TRPM3: variants seen among roughly 807,000 people sequenced by gnomAD.
TRPM3 encodes the protein long transient receptor potential channel 3.
A neutral mutation model predicts 181.2 loss-of-function variants in TRPM3; 77 were observed. The observed-to-expected ratio is 0.42, with a 90% confidence interval of 0.35 to 0.51. TRPM3 has a LOEUF of 0.51. Among genes scored for constraint, TRPM3 ranks in the 20% least tolerant of loss-of-function variants. The pLI is 0.01. For synonymous variants in TRPM3, 745 were observed against 796.4 expected, an observed-to-expected ratio of 0.94 and a Z score of 1.09; for missense variants, 1,759 against 2,196.7, an observed-to-expected ratio of 0.80 and a Z score of 3.98.
chr9:70,571,513 T>C (rs919779482), intron 22 of TRPM3, among the ~76,000 whole-genome samples: 10 of 152,184 alleles, frequency 6.6e-5, no homozygotes, highest in African/African-American at 2.4e-4. Context: ...TTGTACCTCT[T>C]AGGCAACTTA....
At chr9:71,060,500 T>C (rs2061198033) in intron 1 of TRPM3, among the ~76,000 whole-genome samples, 1 of 152,130 alleles carries the variant, frequency 6.6e-6, no homozygotes, top group Non-Finnish European at 1.5e-5. Context: ...GTAGAAGCAC[T>C]ATGTTTCAAA....
intron 1 of TRPM3, among the ~76,000 whole-genome samples, chr9:70,882,253 A>G (rs2096007117): frequency 6.6e-6 from 1 of 152,174 alleles, no homozygotes; most frequent in Non-Finnish European, 1.5e-5. Context: ...ATTGCAAGAG[A>G]AAGAGTCTTT....
intron 1 of TRPM3, among the ~76,000 whole-genome samples, chr9:70,935,731 G>A (rs1359008103): frequency 6.6e-6 from 1 of 152,072 alleles, no homozygotes; most frequent in African/African-American, 2.4e-5. Flanking sequence ...TTGTTTTCTG[G>A]ATAAGGCTTA....
intron 9 of TRPM3, among the ~76,000 whole-genome samples, chr9:70,649,553 T>C (rs963982204): frequency 6.6e-6 from 1 of 152,088 alleles, no homozygotes; most frequent in African/African-American, 2.4e-5. Flanking sequence ...ATGCTCAGTA[T>C]CACTATCGTT....
intron 1 of TRPM3, among the ~76,000 whole-genome samples, chr9:71,294,637 A>T (rs1342166988): frequency 6.6e-6 from 1 of 152,154 alleles, no homozygotes; most frequent in Non-Finnish European, 1.5e-5. Context: ...TTCTAAGTGT[A>T]AACCCCAGAA....
intron 1 of TRPM3, among the ~76,000 whole-genome samples, chr9:71,235,796 TATTG>T (rs1334450788): frequency 6.6e-6 from 1 of 152,208 alleles, no homozygotes; most frequent in African/African-American, 2.4e-5. Context: ...AAATTCTCAA[TATTG>T]AAAATCTCCA....
intron 6 of TRPM3, among the ~76,000 whole-genome samples, chr9:70,815,632 C>T (rs569596117): frequency 2.6e-5 from 4 of 152,224 alleles, no homozygotes; most frequent in South Asian, 4.1e-4. Context: ...GATCTTCCTG[C>T]GGATAGATTT....
intron 22 of TRPM3, among the ~76,000 whole-genome samples, chr9:70,556,385 G>GAGGTAGT: frequency 6.6e-6 from 1 of 152,016 alleles, no homozygotes; most frequent in Non-Finnish European, 1.5e-5. Context: ...TGCTTTAACA[G>GAGGTAGT]AGGTAGTATT....
In TRPM3 at chr9:71,011,618, T is replaced by A. The variant is rs189560429; in HGVS notation, c.177+109560A>T. On this transcript the variant is annotated intron_variant, in intron 1 of 25. Coordinates refer to ENST00000677713, the MANE Select transcript of TRPM3 (RefSeq NM_001366145.2). ...ATATCTGCAAGTATTTTCTCCAAAT[T>A]TTAATTTGATTTTGAATTGTGTATC... Among the ~76,000 whole-genome samples, 356 of 152,080 alleles carry A rather than the reference T, an allele frequency of 2.3e-3. 4 individuals carry two copies. The highest frequency in any genetic ancestry group is 3.5e-3 in the Non-Finnish European group (240 of 67,978).
intron 1 of TRPM3, among the ~76,000 whole-genome samples, chr9:71,318,054 A>C (rs1565456655): frequency 2.0e-5 from 3 of 152,204 alleles, no homozygotes; most frequent in African/African-American, 7.2e-5. Context: ...GTTTGAGAGC[A>C]GCCTAGACAA....
chr9:70,755,383 T>C (rs1052302303), intron 8 of TRPM3, among the ~76,000 whole-genome samples: 2 of 151,998 alleles, frequency 1.3e-5, no homozygotes, highest in African/African-American at 4.8e-5. Context: ...TTTTTTTTTT[T>C]TTTGGAGATG....
chr9:70,595,808 T>A (rs374686148), intron 21 of TRPM3, among the ~76,000 whole-genome samples: 2 of 152,186 alleles, frequency 1.3e-5, no homozygotes, highest in African/African-American at 4.8e-5. Flanking sequence ...GAAGATGATA[T>A]AACAGGCAGT....
rs1461944660 is a variant in TRPM3 at position 70,845,789 on chromosome 9, A to G, written c.676+589T>C. 2.0e-5 allele frequency among the ~76,000 whole-genome samples: 3 copies of G among 152,250 alleles called. No homozygotes were observed. In the East Asian group the frequency reaches 5.8e-4, roughly 29 times the overall value. ...ATGTTCTGTAAATAAGCACTTAACT[A>G]TAGGTGGGCCAGTAAGAACTGATTT... On this transcript the variant is annotated intron_variant, in intron 4 of 25. Coordinates refer to ENST00000677713, the MANE Select transcript of TRPM3 (RefSeq NM_001366145.2).
At chr9:71,371,887 G>C (rs1292299222) in intron 1 of TRPM3, among the ~76,000 whole-genome samples, 1 of 152,158 alleles carries the variant, frequency 6.6e-6, no homozygotes, top group Non-Finnish European at 1.5e-5. Flanking sequence ...GGATGTCCAA[G>C]TTTGTTACAC....
At chr9:70,956,039 C>T (rs1232201069) in intron 1 of TRPM3, among the ~76,000 whole-genome samples, 2 of 152,160 alleles carry the variant, frequency 1.3e-5, no homozygotes, top group African/African-American at 2.4e-5. Context: ...ATCAGAGGAA[C>T]TCCCAATATT....
At chr9:70,904,716 A>T (rs1353855997) in intron 1 of TRPM3, among the ~76,000 whole-genome samples, 1 of 152,290 alleles carries the variant, frequency 6.6e-6, no homozygotes, top group East Asian at 1.9e-4. Flanking sequence ...CTGAGAATAT[A>T]TATTTTTCAG....
In TRPM3 at chr9:70,603,509, C is replaced by T. The variant is rs2132784039; in HGVS notation, c.2668-39G>A. On this transcript the variant is annotated intron_variant, in intron 19 of 25. Transcript: ENST00000677713. ...CAATACAGTGCTCTGGCTGTTCAGGCCCAGGAGCCCCAGCATCAGCCAAGG... is the reference window on the plus strand; with the variant it reads ...CAATACAGTGCTCTGGCTGTTCAGGTCCAGGAGCCCCAGCATCAGCCAAGG... 6 of 1,606,716 alleles carry T rather than the reference C, an allele frequency of 3.7e-6. No individual in the cohort carries two copies. In the African/African-American group the frequency reaches 4.0e-5, roughly 11 times the overall value.
Position 70,778,515 on chromosome 9 carries a change from T to C in TRPM3, c.1148+5590A>G, listed in dbSNP as rs371192952. Among the ~76,000 whole-genome samples, 68 of 152,328 alleles carry C rather than the reference T, an allele frequency of 4.5e-4. 1 individual carries two copies. The South Asian group carries it at 0.013, about 30-fold the overall frequency. ...TTTATAGATAAAACCACCAGCGTTCTTTGTCTGTACAAGGTGTTTCCAAGG... is the reference window on the plus strand; with the variant it reads ...TTTATAGATAAAACCACCAGCGTTCCTTGTCTGTACAAGGTGTTTCCAAGG... On this transcript the variant is annotated intron_variant, in intron 7 of 25. Transcript: ENST00000677713.
chr9:70,681,910 G>C (rs1290070107), intron 8 of TRPM3, among the ~76,000 whole-genome samples: 1 of 152,124 alleles, frequency 6.6e-6, no homozygotes, highest in African/African-American at 2.4e-5. Flanking sequence ...GTGGGTCTTT[G>C]GGAGGTCATT....
Sources: allele counts gnomAD v4.1 joint callset (sites outside exome capture counted in the v4.1 genomes callset), GRCh38; gene constraint gnomAD v4.1.1; transcripts MANE v1.5; gene names NCBI Gene and HGNC (gene_info 2026-07-23, HGNC 2026-07-21).